EIPR1: variants seen among roughly 807,000 people sequenced by gnomAD.
EIPR1 encodes the protein EARP complex and GARP complex interacting protein 1, also known as EARP and GARP complex-interacting protein 1.
In EIPR1, 25 loss-of-function variants were observed where a neutral mutation model predicts 48.1. That is an observed-to-expected ratio of 0.52 (90% confidence interval 0.38 to 0.73). The LOEUF (loss-of-function observed/expected upper bound fraction) is 0.73. Among genes scored for constraint, EIPR1 ranks in the 30% least tolerant of loss-of-function variants. The pLI is 0.00. For missense variants in EIPR1, 415 were observed against 506.2 expected (o/e 0.82, Z 1.73); for synonymous variants, 204 against 201.9 (o/e 1.01, Z -0.09).
At chr2:3,269,480 G>GTCATCGCACTCAA (rs77134754) in intron 3 of EIPR1, among the ~76,000 whole-genome samples, 15,892 of 31,154 alleles carry the variant, frequency 0.51, 6,424 homozygotes, top group Non-Finnish European at 0.63. Flanking sequence ...ATCGCACTCA[G>GTCATCGCACTCAA]TCATCGCACT....
chr2:3,265,405 T>A (rs1298297796), intron 3 of EIPR1, among the ~76,000 whole-genome samples: 3 of 152,174 alleles, frequency 2.0e-5, no homozygotes, highest in African/African-American at 7.2e-5. Flanking sequence ...GCTCTGAAAC[T>A]CTGAGGATTT....
intron 3 of EIPR1, among the ~76,000 whole-genome samples, chr2:3,287,617 G>T (rs183440471): frequency 2.4e-5 from 3 of 122,766 alleles, no homozygotes; most frequent in African/African-American, 9.6e-5. Context: ...GTTCATTCAG[G>T]CTCCAGAAAG....
intron 3 of EIPR1, among the ~76,000 whole-genome samples, chr2:3,316,667 A>T (rs1669311509): frequency 6.6e-6 from 1 of 152,210 alleles, no homozygotes; most frequent in African/African-American, 2.4e-5. Flanking sequence ...GACTTTTCAC[A>T]ATGAAGCTGT....
intron 2 of EIPR1, among the ~76,000 whole-genome samples, chr2:3,352,712 A>C (rs970073285): frequency 1.3e-5 from 2 of 152,238 alleles, no homozygotes; most frequent in Non-Finnish European, 2.9e-5. Flanking sequence ...AAAAAGGATG[A>C]GTGGCTGGGC....
At chr2:3,249,650 T>C (rs951357436) in intron 4 of EIPR1, among the ~76,000 whole-genome samples, 1 of 152,150 alleles carries the variant, frequency 6.6e-6, no homozygotes, top group Non-Finnish European at 1.5e-5. Context: ...CAAGCACTAA[T>C]AGTCAAGACA....
chr2:3,322,850 C>T (rs956070412), intron 3 of EIPR1, among the ~76,000 whole-genome samples: 1 of 152,240 alleles, frequency 6.6e-6, no homozygotes, highest in Non-Finnish European at 1.5e-5. Flanking sequence ...CCAGTGCTCA[C>T]TAGGGAGCTT....
At chr2:3,277,597 G>T (rs1453886285) in intron 3 of EIPR1, among the ~76,000 whole-genome samples, 2 of 152,208 alleles carry the variant, frequency 1.3e-5, no homozygotes, top group African/African-American at 2.4e-5. Flanking sequence ...ACTCCCCGGG[G>T]TGTTCATCTG....
chr2:3,247,003 A>AGGGAGAGAGGGAG (rs374891827), intron 4 of EIPR1, among the ~76,000 whole-genome samples: 2 of 5,510 alleles, frequency 3.6e-4, no homozygotes, highest in African/African-American at 1.7e-3. Flanking sequence ...AGAGCGAGGG[A>AGGGAGAGAGGGAG]GGAGAGAGCG....
At chr2:3,354,732 G>C in intron 1 of EIPR1, 99 bp from the exon 2 acceptor site, 1 of 1,194,278 alleles carries the variant, frequency 8.4e-7, no homozygotes, top group Non-Finnish European at 1.2e-6. Context: ...ATCTACTGTT[G>C]ATAAAGTATA....
chr2:3,291,601 C>T (rs527580342), intron 3 of EIPR1, among the ~76,000 whole-genome samples: 1 of 152,264 alleles, frequency 6.6e-6, no homozygotes, highest in Admixed American at 6.5e-5. Flanking sequence ...ATTCAATCTG[C>T]ATCCATTTGT....
At chr2:3,190,213 G>A (rs1213926026) in intron 8 of EIPR1, among the ~76,000 whole-genome samples, 1 of 152,238 alleles carries the variant, frequency 6.6e-6, no homozygotes, top group Non-Finnish European at 1.5e-5. Flanking sequence ...CGTGCATGGG[G>A]AGGGGGCCCT....
chr2:3,291,654 G>GT (rs1415439498), intron 3 of EIPR1, among the ~76,000 whole-genome samples: 4 of 152,140 alleles, frequency 2.6e-5, no homozygotes, highest in Non-Finnish European at 5.9e-5. Flanking sequence ...GGGTGATGCC[G>GT]TGAGGGAGTG....
intron 4 of EIPR1, 75 bp from the exon 5 acceptor site, chr2:3,214,323 C>A: frequency 7.5e-7 from 1 of 1,325,228 alleles, no homozygotes; most frequent in Non-Finnish European, 1.1e-6. Flanking sequence ...AGCTGTGATA[C>A]ATGTTCTTCA....
intron 3 of EIPR1, among the ~76,000 whole-genome samples, chr2:3,300,613 C>T (rs1668736556): frequency 6.6e-6 from 1 of 152,122 alleles, no homozygotes; most frequent in Non-Finnish European, 1.5e-5. Flanking sequence ...CGCTAATACC[C>T]TATCAAACAG....
At chr2:3,259,746 G>A (rs915818754) in intron 3 of EIPR1, among the ~76,000 whole-genome samples, 3 of 152,200 alleles carry the variant, frequency 2.0e-5, no homozygotes, top group Admixed American at 2.0e-4. Context: ...GAGCAATGAA[G>A]TTTTGGAAGC....
intron 2 of EIPR1, among the ~76,000 whole-genome samples, chr2:3,347,578 G>C (rs577015853): frequency 1.3e-5 from 2 of 152,158 alleles, no homozygotes; most frequent in Non-Finnish European, 2.9e-5. Flanking sequence ...TTCCCGTCTC[G>C]GGTATGTCTT....
chr2:3,354,544 A>G lies in EIPR1; in HGVS notation c.126+6T>C. On this transcript the variant is annotated splice_donor_region_variant and intron_variant, in intron 2 of 8. Transcript: ENST00000382125. Reference sequence around the variant, plus strand: ...TATCATGTATACATTTGTCAAAAATAGTTACCTGATTATCATATTTAAGAG... The same window carrying G: ...TATCATGTATACATTTGTCAAAAATGGTTACCTGATTATCATATTTAAGAG... 1 of 1,613,226 alleles carries G rather than the reference A, an allele frequency of 6.2e-7. No homozygotes were observed. Among genetic ancestry groups the G allele is most frequent in the Non-Finnish European group, 8.5e-7 (1 of 1,179,286 alleles).
rs1385795901 is a variant in EIPR1 at position 3,296,073 on chromosome 2, GCA to G, written c.260-38620_260-38619del. On this transcript the variant is annotated intron_variant, in intron 3 of 8. Transcript: ENST00000382125. ...CCCTCCATGCAGCCCTCCTCTCTCTGCACACACACCCTCCATCCAGCCCATCC... is the reference window on the plus strand; with the variant it reads ...CCCTCCATGCAGCCCTCCTCTCTCTGCACACACCCTCCATCCAGCCCATCC... Among the ~76,000 whole-genome samples the G allele has an allele frequency of 1.1e-4, 5 of 47,454 alleles. No individual in the cohort carries two copies. The East Asian group carries it at 3.3e-3, about 31-fold the overall frequency. The allele number at this position is 47,454 out of a possible 152,430, so 31.1% of individuals were successfully genotyped here.
At chr2:3,323,753 C>G (rs1253333027) in intron 3 of EIPR1, among the ~76,000 whole-genome samples, 1 of 152,194 alleles carries the variant, frequency 6.6e-6, no homozygotes, top group African/African-American at 2.4e-5. Context: ...CAGGCAACCT[C>G]TATGAACCCT....
Sources: gnomAD v4.1 joint callset for allele counts (sites outside exome capture counted in the v4.1 genomes callset) on GRCh38, gnomAD v4.1.1 for gene constraint, MANE v1.5 for transcripts, NCBI Gene and HGNC (gene_info 2026-07-23, HGNC 2026-07-21) for gene names.